Variants in FOXP4 observed in about 807,000 individuals in gnomAD.
The protein encoded by FOXP4 is forkhead box P4.
A neutral mutation model predicts 82.6 loss-of-function variants in FOXP4; 25 were observed. The observed-to-expected ratio is 0.30, with a 90% confidence interval of 0.22 to 0.42. The LOEUF (loss-of-function observed/expected upper bound fraction) is 0.42. Among genes scored for constraint, FOXP4 ranks in the 10% least tolerant of loss-of-function variants. The pLI is 1.00. For synonymous variants in FOXP4, 415 were observed against 388.2 expected, an observed-to-expected ratio of 1.07 and a Z score of -0.81; for missense variants, 785 against 900.9, an observed-to-expected ratio of 0.87 and a Z score of 1.65.
chr6:41,580,933 A>G (rs9394809), intron 3 of FOXP4, among the ~76,000 whole-genome samples: 1 of 152,044 alleles, frequency 6.6e-6, no homozygotes, highest in Non-Finnish European at 1.5e-5. Flanking sequence ...TTCCAAAACT[A>G]TTGTCAGGTC....
chr6:41,560,527 T>G (rs965962217), intron 1 of FOXP4, among the ~76,000 whole-genome samples: 3 of 152,248 alleles, frequency 2.0e-5, no homozygotes, highest in African/African-American at 7.2e-5. Context: ...CCACTCCAGC[T>G]GCGCGTGCAC....
chr6:41,549,584 G>A (rs1763880787), intron 1 of FOXP4, among the ~76,000 whole-genome samples: 1 of 152,034 alleles, frequency 6.6e-6, no homozygotes, highest in Non-Finnish European at 1.5e-5. Context: ...GCTTGCTTTT[G>A]ATCCAGTAAT....
At chr6:41,577,106 G>A (rs893710174) in intron 2 of FOXP4, among the ~76,000 whole-genome samples, 3 of 151,866 alleles carry the variant, frequency 2.0e-5, no homozygotes, top group African/African-American at 4.8e-5. Flanking sequence ...CCTACTCCTT[G>A]ACTGTCACAC....
rs1186606440 is a variant in FOXP4, at chr6:41,597,185, C to T, written c.1668C>T (p.Thr556=). The T allele has an allele frequency of 6.2e-7, 1 of 1,614,196 alleles. No homozygotes were observed. Among genetic ancestry groups the T allele is most frequent in the South Asian group, 1.1e-5 (1 of 91,086 alleles). The part of the protein sequence containing the change: ...RRPPKMTGSP[T]LVKNMISGLS... ...CTTCTCTGTCCTCCAGGAGCCCCAC[C>T]CTGGTGAAGAACATGATCTCTGGCC... is the stretch of plus-strand genomic sequence containing the variant. Residue 556 remains threonine (T), a synonymous_variant, in exon 15 of 17, where the codon ACC becomes ACT. Transcript: ENST00000307972.
In FOXP4 at chr6:41,577,986, G is replaced by T; in HGVS notation, c.205G>T (p.Ala69Ser). 6.2e-7 allele frequency: 1 copy of T among 1,611,314 alleles called. No homozygotes were observed. ...TGCTGACTCAGCCCCTGTCTTGCAGGCTCTCCAAGTGGCCCGGCAGTTCCT... is the reference window on the plus strand; with the variant it reads ...TGCTGACTCAGCCCCTGTCTTGCAGTCTCTCCAAGTGGCCCGGCAGTTCCT... ...AELLHFQQQQ[A>S]LQVARQFLLQ... Residue 69 changes from alanine (A) to serine (S), a missense_variant and splice_region_variant, in exon 3 of 17, where the codon GCT becomes TCT. By Grantham distance (99) the Ala-to-Ser change is moderately conservative (BLOSUM62 1). This residue lies in a region of FOXP4 where 570 missense variants were observed against 634.0 expected (regional missense o/e 0.90). Transcript: ENST00000307972.
At chr6:41,594,386 G>A (rs1289194201) in intron 13 of FOXP4, among the ~76,000 whole-genome samples, 2 of 152,216 alleles carry the variant, frequency 1.3e-5, no homozygotes, top group African/African-American at 4.8e-5. Context: ...GGAGGTGGCA[G>A]TGAGGGTTTA....
chr6:41,585,155 T>G (rs1265043331), intron 4 of FOXP4, among the ~76,000 whole-genome samples: 2 of 152,100 alleles, frequency 1.3e-5, no homozygotes, highest in Non-Finnish European at 2.9e-5. Flanking sequence ...AAGGGCAAAG[T>G]ACTGGAACAT....
chr6:41,577,922 C>T (rs1765576713), intron 2 of FOXP4, 64 bp from the exon 3 acceptor site: 7 of 1,239,474 alleles, frequency 5.6e-6, no homozygotes, highest in Non-Finnish European at 8.1e-6. Context: ...GCCCCAAACA[C>T]TCCCTAATCC....
chr6:41,586,736 C>T (rs1314917033), intron 5 of FOXP4, among the ~76,000 whole-genome samples: 2 of 152,132 alleles, frequency 1.3e-5, no homozygotes, highest in South Asian at 2.1e-4. Flanking sequence ...AGGAGGGAGG[C>T]GGGAGGAGGG....
Position 41,590,346 on chromosome 6 carries a change from A to G in FOXP4, c.1433A>G (p.Gln478Arg), listed in dbSNP as rs371111148. The G allele has an allele frequency of 2.4e-5, 39 of 1,613,576 alleles. No individual in the cohort carries two copies. Among genetic ancestry groups the G allele is most frequent in the Non-Finnish European group, 4.2e-6 (5 of 1,179,942 alleles). ...PPFTYASLIR[Q>R]AILETPDRQL... ...TTCACCTACGCCTCCCTCATCCGCC[A>G]GGTGAGCAGGGCAGGTAGGAGGAGG... The change falls in exon 12 of 17, where the codon CAG becomes CGG. Residue 478 changes from glutamine (Q) to arginine (R), a missense_variant and splice_region_variant. Around this residue, in one of 3 missense-constraint regions of FOXP4, gnomAD observed 570 missense variants for 634.0 expected, o/e 0.90. Transcript: ENST00000307972.
At position 41,584,759 on chromosome 6, in the gene FOXP4, A is replaced by G; in HGVS notation, c.301-10A>G. On this transcript the variant is annotated splice_polypyrimidine_tract_variant and intron_variant, in intron 3 of 16. Coordinates refer to ENST00000307972, the MANE Select transcript of FOXP4 (RefSeq NM_001012426.2). ...TCCAGGGGACAGGGCTAACGGGCCG[A>G]ATCCTGCAGGTGCCTGTGTCGGTGG... 1 of 1,578,768 alleles carries G rather than the reference A, an allele frequency of 6.3e-7. No individual in the cohort carries two copies.
chr6:41,596,536 T>G (rs1766847825), intron 14 of FOXP4, among the ~76,000 whole-genome samples: 1 of 151,968 alleles, frequency 6.6e-6, no homozygotes, highest in Non-Finnish European at 1.5e-5. Context: ...CTTGCACCTC[T>G]GCTTCTCACC....
At chr6:41,586,806 G>A (rs1561797035) in intron 5 of FOXP4, among the ~76,000 whole-genome samples, 1 of 152,104 alleles carries the variant, frequency 6.6e-6, no homozygotes. Context: ...GCGTGCGTGC[G>A]TGCATGCGTG....
Position 41,584,871 on chromosome 6 carries a change from C to CA in FOXP4, c.405dup (p.Ala136SerfsTer180). 1 of 1,611,450 alleles carries CA rather than the reference C, an allele frequency of 6.2e-7. No homozygotes were observed. Among genetic ancestry groups the CA allele is most frequent in the Non-Finnish European group, 8.5e-7 (1 of 1,179,182 alleles). On this transcript the variant is annotated frameshift_variant, in exon 4 of 17. Transcript: ENST00000307972. LOFTEE classifies it high-confidence loss of function. ...GCTGCAGGCCTTGCTCCAGCAGCAG[C>CA]AAGCCCTCATGCTCCAGCAGGTGAG...
chr6:41,566,387 T>C (rs1764882854), intron 2 of FOXP4, among the ~76,000 whole-genome samples: 1 of 152,228 alleles, frequency 6.6e-6, no homozygotes, highest in Admixed American at 6.5e-5. Context: ...ACATTATTTC[T>C]GTTGCAAAAC....
intron 14 of FOXP4, among the ~76,000 whole-genome samples, chr6:41,595,960 C>A (rs142848154): frequency 6.6e-6 from 1 of 152,150 alleles, no homozygotes; most frequent in African/African-American, 2.4e-5. Context: ...TGCAGTGGCA[C>A]GATTTTGGCT....
At chr6:41,550,822 C>T (rs1481496294) in intron 1 of FOXP4, among the ~76,000 whole-genome samples, 5 of 152,296 alleles carry the variant, frequency 3.3e-5, no homozygotes, top group African/African-American at 1.2e-4. Flanking sequence ...GAGAATTCCC[C>T]AGAATGCAGA....
At chr6:41,575,836 C>T (rs1007788456) in intron 2 of FOXP4, among the ~76,000 whole-genome samples, 4 of 151,570 alleles carry the variant, frequency 2.6e-5, no homozygotes, top group Non-Finnish European at 4.4e-5. Flanking sequence ...CCTTTTGGGT[C>T]GCCTGGGCTG....
At chr6:41,579,243 G>A (rs531091911) in intron 3 of FOXP4, among the ~76,000 whole-genome samples, 13 of 152,176 alleles carry the variant, frequency 8.5e-5, no homozygotes, top group African/African-American at 1.2e-4. Flanking sequence ...AGATCAGGGC[G>A]TGGCCTGGGG....
Sources: gnomAD v4.1 joint callset for allele counts (sites outside exome capture counted in the v4.1 genomes callset) on GRCh38, gnomAD v4.1.1 for gene constraint, gnomAD v4.1.1 regional missense constraint, MANE v1.5 for transcripts, NCBI Gene and HGNC (gene_info 2026-07-23, HGNC 2026-07-21) for gene names.